Variants in COX10 observed in about 807,000 individuals in gnomAD.
COX10 encodes cytochrome c oxidase assembly factor heme A:farnesyltransferase COX10.
In COX10, 27 loss-of-function variants were observed where a neutral mutation model predicts 37.3. That is an observed-to-expected ratio of 0.72 (90% CI 0.53 to 1.00). The LOEUF (loss-of-function observed/expected upper bound fraction) is 1.00. COX10 is among the 50% of genes least tolerant of loss of function. The pLI is 0.00. For missense variants in COX10, 475 were observed against 563.2 expected (o/e 0.84, Z 1.59); for synonymous variants, 222 against 229.1 (o/e 0.97, Z 0.28).
intron 5 of COX10, among the ~76,000 whole-genome samples, chr17:14,182,547 A>G (rs184622212): frequency 6.6e-6 from 1 of 152,142 alleles, no homozygotes; most frequent in African/African-American, 2.4e-5. Flanking sequence ...AAACTCCTAA[A>G]TAAGATTCTG....
At chr17:14,124,112 C>T (rs1215044763) in intron 4 of COX10, among the ~76,000 whole-genome samples, 1 of 152,062 alleles carries the variant, frequency 6.6e-6, no homozygotes, top group African/African-American at 2.4e-5. Context: ...AATCAGGTTG[C>T]CTGACTCTTG....
intron 6 of COX10, among the ~76,000 whole-genome samples, chr17:14,199,557 A>C (rs1378499250): frequency 6.6e-6 from 1 of 152,182 alleles, no homozygotes; most frequent in East Asian, 1.9e-4. Flanking sequence ...GGGCGGCAGC[A>C]CACAATGAGG....
At chr17:14,167,227 T>TA in intron 5 of COX10, among the ~76,000 whole-genome samples, 1 of 152,226 alleles carries the variant, frequency 6.6e-6, no homozygotes, top group Non-Finnish European at 1.5e-5. Context: ...ACTGGATAGC[T>TA]GCAATCTCAT....
At chr17:14,168,930 A>G (rs1436787827) in intron 5 of COX10, among the ~76,000 whole-genome samples, 7 of 152,118 alleles carry the variant, frequency 4.6e-5, no homozygotes, top group Admixed American at 2.6e-4. Context: ...ACTTAACGCA[A>G]ATTTTCTGCA....
intron 4 of COX10, among the ~76,000 whole-genome samples, chr17:14,126,840 T>G (rs1016363943): frequency 2.0e-5 from 3 of 152,142 alleles, no homozygotes; most frequent in African/African-American, 7.2e-5. Flanking sequence ...ATATAATGTT[T>G]TATTAGTATT....
At chr17:14,088,201 T>C (rs1597495648) in intron 3 of COX10, among the ~76,000 whole-genome samples, 1 of 152,226 alleles carries the variant, frequency 6.6e-6, no homozygotes, top group Admixed American at 6.5e-5. Flanking sequence ...ATTTATGTAG[T>C]GTATTTTTTT....
chr17:14,121,364 T>C (rs1916225793), intron 4 of COX10, among the ~76,000 whole-genome samples: 1 of 152,204 alleles, frequency 6.6e-6, no homozygotes, highest in Admixed American at 6.5e-5. Context: ...GATGCGTATC[T>C]TAATATCCTA....
At chr17:14,140,917 A>C (rs772300499) in intron 4 of COX10, among the ~76,000 whole-genome samples, 2 of 152,162 alleles carry the variant, frequency 1.3e-5, no homozygotes, top group Non-Finnish European at 2.9e-5. Flanking sequence ...TAAATGATTA[A>C]GGAAATGATG....
chr17:14,143,521 T>G (rs1242006563), intron 4 of COX10, among the ~76,000 whole-genome samples: 2 of 152,126 alleles, frequency 1.3e-5, no homozygotes, highest in African/African-American at 4.8e-5. Flanking sequence ...ATCTCAGAGA[T>G]GGAACAAACA....
chr17:14,077,617 T>C (rs1466933167), intron 3 of COX10, among the ~76,000 whole-genome samples: 1 of 152,192 alleles, frequency 6.6e-6, no homozygotes, highest in African/African-American at 2.4e-5. Flanking sequence ...AATTAAGTGA[T>C]TTGGTTGTCA....
In COX10 at chr17:14,110,004, G is replaced by C. The variant is rs185115721; in HGVS notation, c.624+7762G>C. ...TTGAGTCTAGATTCCTGGGATTTCA[G>C]AAAAAAAAGAACTATTTTGGAAGAT... On this transcript the variant is annotated intron_variant, in intron 4 of 6. Coordinates refer to ENST00000261643, the MANE Select transcript of COX10 (RefSeq NM_001303.4). Among the ~76,000 whole-genome samples, 41 of 151,450 alleles carry C rather than the reference G, an allele frequency of 2.7e-4. No homozygotes were observed. The East Asian group carries it at 7.5e-3, about 28-fold the overall frequency.
intron 2 of COX10, among the ~76,000 whole-genome samples, chr17:14,075,488 C>T (rs1043812739): frequency 6.6e-6 from 1 of 152,076 alleles, no homozygotes; most frequent in African/African-American, 2.4e-5. Flanking sequence ...GGCTTAGTTT[C>T]CTTATCTGTA....
chr17:14,119,198 C>T (rs1438432314), intron 4 of COX10, among the ~76,000 whole-genome samples: 1 of 152,086 alleles, frequency 6.6e-6, no homozygotes, highest in African/African-American at 2.4e-5. Context: ...ATGTTACAGG[C>T]CTCCTCTCTG....
chr17:14,107,033 C>T (rs1230926325), intron 4 of COX10, among the ~76,000 whole-genome samples: 1 of 152,110 alleles, frequency 6.6e-6, no homozygotes, highest in African/African-American at 2.4e-5. Context: ...GACAAGATGT[C>T]TGTTGTGTGG....
intron 4 of COX10, among the ~76,000 whole-genome samples, chr17:14,156,972 C>G (rs1008186781): frequency 3.3e-5 from 5 of 152,170 alleles, no homozygotes; most frequent in African/African-American, 1.2e-4. Flanking sequence ...GTCTCTGTTG[C>G]AACTACCCGG....
intron 6 of COX10, among the ~76,000 whole-genome samples, chr17:14,192,666 A>G (rs1255447626): frequency 6.6e-6 from 1 of 152,168 alleles, no homozygotes; most frequent in African/African-American, 2.4e-5. Context: ...GATTATTTTC[A>G]TTAGTTTCTA....
At chr17:14,089,877 A>G (rs528601334) in intron 3 of COX10, among the ~76,000 whole-genome samples, 8 of 152,238 alleles carry the variant, frequency 5.3e-5, no homozygotes, top group African/African-American at 1.9e-4. Flanking sequence ...TCTAATCTGT[A>G]GAACCGATTC....
chr17:14,135,667 T>C (rs1358021995), intron 4 of COX10, among the ~76,000 whole-genome samples: 1 of 151,978 alleles, frequency 6.6e-6, no homozygotes, highest in Non-Finnish European at 1.5e-5. Flanking sequence ...ATAAAGAACA[T>C]CGTTTTGTTT....
intron 4 of COX10, among the ~76,000 whole-genome samples, chr17:14,146,374 G>T (rs1904719191): frequency 6.6e-6 from 1 of 152,022 alleles, no homozygotes; most frequent in Non-Finnish European, 1.5e-5. Context: ...TTTAGCAAAG[G>T]TGCCAAGAAC....
Sources: allele counts gnomAD v4.1 joint callset (sites outside exome capture counted in the v4.1 genomes callset), GRCh38; gene constraint gnomAD v4.1.1; transcripts MANE v1.5; gene names NCBI Gene and HGNC (gene_info 2026-07-23, HGNC 2026-07-21).